Variants in PPM1N observed in about 807,000 individuals in gnomAD.
PPM1N encodes the protein protein phosphatase, Mg2+/Mn2+ dependent 1N (putative).
PPM1N carries 35 observed loss-of-function variants against 32.6 expected under a neutral mutation model. The ratio of observed to expected loss-of-function variants is 1.07; its 90% confidence interval spans 0.82 to 1.43. The LOEUF is 1.43. Ranked by LOEUF, PPM1N falls within the 40% of genes most tolerant of loss-of-function variation. The pLI, the probability that PPM1N is intolerant of heterozygous loss-of-function variation, is 0.00. For missense variants in PPM1N, 648 were observed against 606.6 expected (o/e 1.07, Z -0.72); for synonymous variants, 275 against 270.5 (o/e 1.02, Z -0.16).
In PPM1N at chr19:45,502,328, A is replaced by AC. The variant is rs1968430757; in HGVS notation, c.*243_*244insC. ...AAATCGAAAAAAAAAAAAAAAAAAA[A>AC]AAAAAACAAAAAAACCCAACCAAAT... On this transcript the variant is annotated 3_prime_UTR_variant, in exon 5 of 5. Coordinates refer to ENST00000451287, the MANE Select transcript of PPM1N (RefSeq NM_001080401.2). 5 of 487,750 alleles carry AC rather than the reference A, an allele frequency of 1.0e-5. No homozygotes were observed. The highest frequency in any genetic ancestry group is 4.7e-4 in the Middle Eastern group (1 of 2,126). The allele number at this position is 487,750 out of a possible 1,614,324, so 30.2% of individuals were successfully genotyped here. A position where few individuals can be genotyped will look rare whatever the true frequency, so the allele number is the denominator to read the frequency against.
At position 45,498,541 on chromosome 19, in the gene PPM1N, G is replaced by T. The variant is rs755239685; in HGVS notation, c.69G>T (p.Lys23Asn). The T allele has an allele frequency of 6.9e-7, 1 of 1,446,010 alleles. No homozygotes were observed. Among genetic ancestry groups the T allele is most frequent in the Non-Finnish European group, 9.1e-7 (1 of 1,103,192 alleles). 89.6% of individuals were successfully genotyped at this position (1,446,010 alleles called of 1,614,324 possible). A position where few individuals can be genotyped will look rare whatever the true frequency, so the allele number is the denominator to read the frequency against. The change falls in exon 1 of 5, where the codon AAG becomes AAT. Residue 23 changes from lysine to asparagine, a missense_variant. Transcript: ENST00000451287. ...CTTGCAAGAAAAAGGAGAGGGAGAA[G>T]GAGGGGAGGGAGGAAGAGGAGGAGG... ...WTACKKKERE[K>N]EGREEEEEEE...
At chr19:45,499,885 G>A in intron 1 of PPM1N, 64 bp from the exon 2 acceptor site, 1 of 1,533,738 alleles carries the variant, frequency 6.5e-7, no homozygotes, top group South Asian at 1.2e-5. Flanking sequence ...TGAACCTGGG[G>A]ATTGTTGGGA....
In PPM1N at chr19:45,499,194, C is replaced by T; in HGVS notation, c.722C>T (p.Ala241Val). ...RALGDFTYKEAPGRPPELQLV... is the reference protein window; with the variant it reads ...RALGDFTYKEVPGRPPELQLV... Reference sequence around the variant, plus strand: ...TTGGGCGACTTTACCTACAAGGAGGCTCCGGGGAGGCCCCCCGAGCTACAG... The same window carrying T: ...TTGGGCGACTTTACCTACAAGGAGGTTCCGGGGAGGCCCCCCGAGCTACAG... Residue 241 changes from alanine (A) to valine (V), a missense_variant, in exon 1 of 5, where the codon GCT becomes GTT. By Grantham distance (64) the Ala-to-Val change is moderately conservative. Coordinates refer to ENST00000451287, the MANE Select transcript of PPM1N (RefSeq NM_001080401.2). 1 of 1,552,390 alleles carries T rather than the reference C, an allele frequency of 6.4e-7. No individual in the cohort carries two copies. Among genetic ancestry groups the T allele is most frequent in the Non-Finnish European group, 8.6e-7 (1 of 1,156,778 alleles).
At position 45,500,563 on chromosome 19, in the gene PPM1N, T is replaced by A. The variant is rs746277988; in HGVS notation, c.1163+2T>A. The A allele has an allele frequency of 2.5e-6, 4 of 1,602,526 alleles. No individual in the cohort carries two copies. In the African/African-American group the frequency reaches 4.1e-5, roughly 16 times the overall value. On this transcript the variant is annotated splice_donor_variant, in intron 3 of 4. Transcript: ENST00000451287. LOFTEE classifies it high-confidence loss of function. ...TCCTGGGGGAGGGCTGGACTGCAAG[T>A]GAGTTGGGGTGAGGAAGGGTGGGGT...
intron 1 of PPM1N, 33 bp downstream of exon 1, chr19:45,499,444 T>C (rs747970574): frequency 2.5e-6 from 4 of 1,595,604 alleles, no homozygotes; most frequent in Non-Finnish European, 1.7e-6. Context: ...CCTTTGGGGC[T>C]TGGTGCAGCA....
intron 1 of PPM1N, 43 bp downstream of exon 1, chr19:45,499,454 A>G: frequency 6.3e-7 from 1 of 1,598,550 alleles, no homozygotes; most frequent in Non-Finnish European, 8.5e-7. Flanking sequence ...TTGGTGCAGC[A>G]GAGGGAGAGA....
rs916679020 is a variant in PPM1N, at chr19:45,498,492, A to C, written c.20A>C (p.Gln7Pro). Residue 7 changes from glutamine to proline, a missense_variant, in exon 1 of 5, where the codon CAG (glutamine) becomes CCG (proline). By Grantham distance (76) the Gln-to-Pro change is moderately conservative. Coordinates refer to ENST00000451287, the MANE Select transcript of PPM1N (RefSeq NM_001080401.2). MAVLAR[Q>P]LQRLLWTACK... ...TGAAGGATGGCGGTCCTGGCCCGCC[A>C]GCTGCAGCGTCTCCTCTGGACCGCT... 44 of 1,356,832 alleles carry C rather than the reference A, an allele frequency of 3.2e-5. No individual in the cohort carries two copies. Among genetic ancestry groups the C allele is most frequent in the Non-Finnish European group, 4.1e-5 (43 of 1,052,858 alleles). 84.0% of individuals were successfully genotyped at this position (1,356,832 alleles called of 1,614,324 possible).
chr19:45,500,883 C>T (rs1047735762), intron 4 of PPM1N, among the ~76,000 whole-genome samples, 173 bp downstream of exon 4: 2 of 149,762 alleles, frequency 1.3e-5, no homozygotes, highest in Non-Finnish European at 3.0e-5. Context: ...CCTTTCTTTT[C>T]TCTCTCTCTT....
chr19:45,498,734 T>C lies in PPM1N; in HGVS notation c.262T>C (p.Ser88Pro). 6.4e-7 allele frequency: 1 copy of C among 1,551,186 alleles called. No homozygotes were observed. Among genetic ancestry groups the C allele is most frequent in the African/African-American group, 1.4e-5 (1 of 70,894 alleles). Residue 88 changes from serine to proline, a missense_variant, in exon 1 of 5, where the codon TCG becomes CCG. Physicochemically the swap from Ser to Pro is moderately conservative, Grantham distance 74 (BLOSUM62 -1). Coordinates refer to ENST00000451287, the MANE Select transcript of PPM1N (RefSeq NM_001080401.2). ...RMEDAHCTWL[S>P]LPGLPPGWAL... is the part of the protein sequence containing the mutation. ...GGAGGATGCTCACTGCACTTGGCTT[T>C]CGTTACCTGGTCTGCCCCCGGGCTG...
intron 4 of PPM1N, among the ~76,000 whole-genome samples, chr19:45,501,131 G>A (rs910123811): frequency 2.0e-5 from 3 of 152,156 alleles, no homozygotes; most frequent in Non-Finnish European, 4.4e-5. Context: ...AATGTGAGCC[G>A]GCAACGCTCT....
intron 1 of PPM1N, 88 bp from the exon 2 acceptor site, chr19:45,499,861 T>C: frequency 6.6e-7 from 1 of 1,522,336 alleles, no homozygotes; most frequent in Non-Finnish European, 8.8e-7. Flanking sequence ...ATAAGTAGAA[T>C]GAAGTGGGGG....
At chr19:45,500,317 T>C (rs923123258) in intron 2 of PPM1N, 139 bp from the exon 3 acceptor site, 6 of 823,438 alleles carry the variant, frequency 7.3e-6, no homozygotes, top group African/African-American at 1.7e-5. Context: ...GTATTGTTAG[T>C]ATAGACGGGG....
intron 2 of PPM1N, 32 bp downstream of exon 2, chr19:45,500,098 G>A: frequency 6.4e-7 from 1 of 1,557,102 alleles, no homozygotes; most frequent in Non-Finnish European, 8.7e-7. Flanking sequence ...AGCTGGAGGG[G>A]TGGTTGGCCA....
rs1480797094 is a variant in PPM1N at position 45,499,349 on chromosome 19, C to A, written c.877C>A (p.Leu293Ile). 1.2e-6 allele frequency: 2 copies of A among 1,612,252 alleles called. No homozygotes were observed. Among genetic ancestry groups the A allele is most frequent in the Non-Finnish European group, 1.7e-6 (2 of 1,179,564 alleles). The change falls in exon 1 of 5, where the codon CTC becomes ATC. Residue 293 changes from leucine (L) to isoleucine (I), a missense_variant. Leu to Ile is a conservative substitution (Grantham distance 5). Coordinates refer to ENST00000451287, the MANE Select transcript of PPM1N (RefSeq NM_001080401.2). ...AALAGLVASR[L>I]RLGLAPELLC... Reference sequence around the variant, plus strand: ...CCTGGCGGGACTGGTGGCTTCACGCCTCCGCTTGGGCCTGGCCCCAGAGCT... The same window carrying A: ...CCTGGCGGGACTGGTGGCTTCACGCATCCGCTTGGGCCTGGCCCCAGAGCT...
In PPM1N at chr19:45,499,958, G is replaced by A. The variant is rs1184669236; in HGVS notation, c.949G>A (p.Asp317Asn). The change falls in exon 2 of 5, where the codon GAC (aspartate) becomes AAC (asparagine). Residue 317 changes from aspartate to asparagine, a missense_variant. By Grantham distance (23) the Asp-to-Asn change is conservative. Transcript: ENST00000451287. ...TCTCCACCGGCTTCAGGGCAGCCTG[G>A]ACAACATGACCTGCATCCTGGTCTG... is the stretch of plus-strand genomic sequence containing the variant. ...LDTCLCKGSL[D>N]NMTCILVCFP... 5 of 1,585,664 alleles carry A rather than the reference G, an allele frequency of 3.2e-6. No homozygotes were observed. In the African/African-American group the frequency reaches 4.0e-5, roughly 13 times the overall value.
chr19:45,498,896 C>G lies in PPM1N; in HGVS notation c.424C>G (p.Arg142Gly). The change falls in exon 1 of 5, where the codon CGA becomes GGA. Residue 142 changes from arginine (R) to glycine (G), a missense_variant. By Grantham distance (125) the Arg-to-Gly change is moderately radical. Coordinates refer to ENST00000451287, the MANE Select transcript of PPM1N (RefSeq NM_001080401.2). ...CGAGGGCGTGCGCGAGGCGCTGCGC[C>G]GAGCCTTCTTGAGCGCCGACGAGCG... The part of the protein sequence containing the change: ...EPEGVREALR[R>G]AFLSADERLR... 1 of 1,522,314 alleles carries G rather than the reference C, an allele frequency of 6.6e-7. No individual in the cohort carries two copies. The highest frequency in any genetic ancestry group is 1.4e-5 in the African/African-American group (1 of 70,298). The allele number at this position is 1,522,314 out of a possible 1,614,324, so 94.3% of individuals were successfully genotyped here.
At chr19:45,499,652 T>C (rs956277748) in intron 1 of PPM1N, 1 of 1,547,996 alleles carries the variant, frequency 6.5e-7, no homozygotes, top group Non-Finnish European at 8.7e-7. Flanking sequence ...GGCGTGGTCT[T>C]TTGGAAAGGG....
rs1056128940 is a variant in PPM1N, at chr19:45,499,722, G to A, written c.940-227G>A. Reference sequence around the variant, plus strand: ...TTGATTAGTGCTGGAAGGTGGAAGAGCAGGTAAACATCAGAGCGGGCGGAG... The same window carrying A: ...TTGATTAGTGCTGGAAGGTGGAAGAACAGGTAAACATCAGAGCGGGCGGAG... On this transcript the variant is annotated intron_variant, in intron 1 of 4. Transcript: ENST00000451287. 4 of 1,543,136 alleles carry A rather than the reference G, an allele frequency of 2.6e-6. No individual in the cohort carries two copies. The African/African-American group carries it at 4.1e-5, about 16-fold the overall frequency.
In PPM1N at chr19:45,502,160, C is replaced by G. The variant is rs772102608; in HGVS notation, c.*75C>G. The G allele has an allele frequency of 8.6e-6, 10 of 1,165,736 alleles. No homozygotes were observed. In the South Asian group the frequency reaches 1.2e-4, roughly 14 times the overall value. 72.2% of individuals were successfully genotyped at this position (1,165,736 alleles called of 1,614,324 possible). On this transcript the variant is annotated 3_prime_UTR_variant, in exon 5 of 5. Transcript: ENST00000451287. ...CTAAAGAAGAAAACCGACCCTTTCCCCAACTACATGTACCAGCGGAAGGAA... is the reference window on the plus strand; with the variant it reads ...CTAAAGAAGAAAACCGACCCTTTCCGCAACTACATGTACCAGCGGAAGGAA...
Sources: allele counts gnomAD v4.1 joint callset (sites outside exome capture counted in the v4.1 genomes callset), GRCh38; gene constraint gnomAD v4.1.1; transcripts MANE v1.5; gene names NCBI Gene and HGNC (gene_info 2026-07-23, HGNC 2026-07-21).